The following XPC variants were observed in gnomAD, a reference collection of about 807,000 sequenced individuals.
The protein encoded by XPC is XPC complex subunit, DNA damage recognition and repair factor.
A neutral mutation model predicts 95.8 loss-of-function variants in XPC; 76 were observed. The ratio of observed to expected loss-of-function variants is 0.79; its 90% confidence interval spans 0.66 to 0.96. XPC has a LOEUF of 0.96. XPC is among the 40% of genes least tolerant of loss of function. XPC has a pLI of 0.00. For missense variants in XPC, 1,146 were observed against 1,179.8 expected, an observed-to-expected ratio of 0.97 and a Z score of 0.42; for synonymous variants, 442 against 442.1, an observed-to-expected ratio of 1.00 and a Z score of 0.00.
At chr3:14,152,476 G>A (rs1191781715) in intron 10 of XPC, 60 bp from the exon 11 acceptor site, 44 of 1,514,900 alleles carry the variant, frequency 2.9e-5, no homozygotes, top group East Asian at 9.7e-5. Flanking sequence ...GCGGGAATGC[G>A]GGACAGTGGA....
intron 7 of XPC, 159 bp from the exon 8 acceptor site, chr3:14,159,989 C>T (rs753271987): frequency 2.0e-5 from 12 of 598,496 alleles, no homozygotes; most frequent in African/African-American, 3.8e-5. Context: ...CTGTTAAAAA[C>T]GATGATGCAG....
rs199527751 is a variant in XPC, at chr3:14,146,042, G to A, written c.2722C>T (p.Arg908Ter). Residue 908 changes from arginine (R) to a stop codon, truncating the protein, a stop_gained, in exon 16 of 16, where the codon CGA becomes TGA. Transcript: ENST00000285021. LOFTEE classifies it low-confidence loss of function (END_TRUNC). ...AGCTTCTGCTTTTCTTCATCTTCTC[G>A]GTTTTGAGGCCAGGAGGCAGCCAGT... is the stretch of plus-strand genomic sequence containing the variant. ...RILAASWPQN[R>*]EDEEKQKLKG... The A allele has an allele frequency of 4.5e-5, 73 of 1,612,558 alleles. No homozygotes were observed. The Admixed American group carries it at 6.2e-4, about 14-fold the overall frequency.
At chr3:14,176,380 CCAGT>C (rs1373261517) in intron 1 of XPC, among the ~76,000 whole-genome samples, 1 of 152,226 alleles carries the variant, frequency 6.6e-6, no homozygotes, top group South Asian at 2.1e-4. Context: ...CCCGATCACG[CCAGT>C]CAAACTTGAT....
chr3:14,173,143 G>C (rs767108337), intron 1 of XPC, 81 bp from the exon 2 acceptor site: 1 of 1,367,546 alleles, frequency 7.3e-7, no homozygotes, highest in East Asian at 2.6e-5. Context: ...GGCATAAAAC[G>C]GCTCTATGAC....
At chr3:14,174,550 G>A (rs559484440) in intron 1 of XPC, among the ~76,000 whole-genome samples, 3 of 152,150 alleles carry the variant, frequency 2.0e-5, no homozygotes, top group African/African-American at 7.2e-5. Context: ...AAAGGGAAAG[G>A]GGGATAAAGG....
At position 14,146,037 on chromosome 3, in the gene XPC, T is replaced by A. The variant is rs1695416521; in HGVS notation, c.2727A>T (p.Glu909Asp). ...CCTTCAGCTTCTGCTTTTCTTCATC[T>A]TCTCGGTTTTGAGGCCAGGAGGCAG... ...ILAASWPQNR[E>D]DEEKQKLKGG... The change falls in exon 16 of 16, where the codon GAA becomes GAT. Residue 909 changes from glutamate (E) to aspartate (D), a missense_variant. Transcript: ENST00000285021. The A allele has an allele frequency of 2.5e-6, 4 of 1,612,748 alleles. No homozygotes were observed. Among genetic ancestry groups the A allele is most frequent in the Admixed American group, 1.7e-5 (1 of 59,972 alleles).
chr3:14,172,549 A>G (rs963238186), intron 2 of XPC, among the ~76,000 whole-genome samples: 4 of 152,194 alleles, frequency 2.6e-5, no homozygotes, highest in African/African-American at 9.7e-5. Context: ...ATAAAGCTGG[A>G]ATGGCAGGTA....
chr3:14,148,638 C>T lies in XPC; in HGVS notation c.2344G>A (p.Val782Met), dbSNP rs370753746. The part of the protein sequence containing the change: ...VQLNLPNLHR[V>M]ARKLDIDCVQ... Reference sequence around the variant, plus strand: ...CAGTCGATGTCCAGCTTGCGGGCCACGCGGTGTAGATTGGGCAGGTTCAGC... The same window carrying T: ...CAGTCGATGTCCAGCTTGCGGGCCATGCGGTGTAGATTGGGCAGGTTCAGC... The change falls in exon 13 of 16, where the codon GTG (valine) becomes ATG (methionine). Residue 782 changes from valine to methionine, a missense_variant. Val to Met is a conservative substitution (Grantham distance 21). Coordinates refer to ENST00000285021, the MANE Select transcript of XPC (RefSeq NM_004628.5). 8.1e-6 allele frequency: 13 copies of T among 1,613,918 alleles called. No individual in the cohort carries two copies. The highest frequency in any genetic ancestry group is 2.7e-5 in the African/African-American group (2 of 74,934).
At chr3:14,146,491 G>A (rs972172712) in intron 15 of XPC, among the ~76,000 whole-genome samples, 2 of 152,150 alleles carry the variant, frequency 1.3e-5, no homozygotes, top group Admixed American at 1.3e-4. Flanking sequence ...CCTCATTTCT[G>A]GACCAAAGCA....
At chr3:14,159,271 C>T (rs950741545) in intron 8 of XPC, among the ~76,000 whole-genome samples, 2 of 152,314 alleles carry the variant, frequency 1.3e-5, no homozygotes, top group Admixed American at 1.3e-4. Flanking sequence ...TGGACATACG[C>T]ATTTTGCAAA....
chr3:14,161,583 T>C (rs939502986), intron 7 of XPC, among the ~76,000 whole-genome samples: 2 of 145,988 alleles, frequency 1.4e-5, no homozygotes, highest in Non-Finnish European at 3.0e-5. Flanking sequence ...TCATTTCAAC[T>C]GACAAAGAAA....
intron 11 of XPC, 66 bp downstream of exon 11, chr3:14,152,269 C>A: frequency 6.9e-7 from 1 of 1,441,788 alleles, no homozygotes; most frequent in Non-Finnish European, 9.6e-7. Flanking sequence ...TCTCTGCCCC[C>A]AGCTCTCCCG....
intron 15 of XPC, among the ~76,000 whole-genome samples, chr3:14,146,885 A>G (rs1177546748): frequency 1.3e-5 from 2 of 152,188 alleles, no homozygotes; most frequent in African/African-American, 2.4e-5. Context: ...GGCCTGGCAC[A>G]TGGCAGGTGC....
rs1402162002 is a variant in XPC at position 14,168,346 on chromosome 3, TTC to T, written c.445_446del (p.Glu149LysfsTer19). On this transcript the variant is annotated frameshift_variant, in exon 4 of 16. Transcript: ENST00000285021. LOFTEE classifies it high-confidence loss of function. The stretch of plus-strand genomic sequence containing the variant: ...GAAGAGATCGAGAGAAGGCTGTACT[TTC>T]TCTCACGTCACCCAGCACAGGCTCA... ...LSEPVLGDVR[E>X]STAFSRSLLP... is the part of the protein sequence containing the mutation. 2.6e-5 allele frequency: 42 copies of T among 1,613,818 alleles called. No individual in the cohort carries two copies. Among genetic ancestry groups the T allele is most frequent in the Non-Finnish European group, 3.5e-5 (41 of 1,179,882 alleles).
chr3:14,158,932 C>A lies in XPC; in HGVS notation c.991-40G>T, dbSNP rs1019689561. ...GAAATTTTGCTTTTTTTTCTCCCCC[C>A]TCTTTTGCTAATGATATGATAGAAA... On this transcript the variant is annotated intron_variant, in intron 8 of 15. Transcript: ENST00000285021. This position sits in a 1 kb window ranked among gnomAD's most constrained non-coding sequence, Gnocchi z 5.2. 2.5e-6 allele frequency: 4 copies of A among 1,610,604 alleles called. No homozygotes were observed. Among genetic ancestry groups the A allele is most frequent in the East Asian group, 2.2e-5 (1 of 44,874 alleles).
rs1481930741 is a variant in XPC at position 14,145,278 on chromosome 3, C to T, written c.*663G>A. 1 of 695,288 alleles carries T rather than the reference C, an allele frequency of 1.4e-6. No homozygotes were observed. The highest frequency in any genetic ancestry group is 2.7e-5 in the East Asian group (1 of 37,244). The allele number at this position is 695,288 out of a possible 1,614,324, so 43.1% of individuals were successfully genotyped here. Reference sequence around the variant, plus strand: ...CACTCATCTATTTTACTAACATTTCCTTAATTTTCAATTCGTATTTTTCCT... The same window carrying T: ...CACTCATCTATTTTACTAACATTTCTTTAATTTTCAATTCGTATTTTTCCT... On this transcript the variant is annotated 3_prime_UTR_variant, in exon 16 of 16. Transcript: ENST00000285021.
chr3:14,165,746 G>T, intron 5 of XPC, 161 bp from the exon 6 acceptor site: 1 of 762,342 alleles, frequency 1.3e-6, no homozygotes, highest in Non-Finnish European at 2.1e-6. Context: ...TCCCAAGCTT[G>T]TCTTTGACCC....
chr3:14,152,491 G>A (rs1189903498), intron 10 of XPC, 75 bp from the exon 11 acceptor site: 19 of 1,387,760 alleles, frequency 1.4e-5, no homozygotes, highest in Middle Eastern at 1.8e-4. Context: ...AGTGGAGAGC[G>A]CAGCCCTGCA....
Position 14,145,860 on chromosome 3 carries a change from G to A in XPC, c.*81C>T. 2.0e-6 allele frequency: 3 copies of A among 1,517,574 alleles called. No homozygotes were observed. Among genetic ancestry groups the A allele is most frequent in the Non-Finnish European group, 2.7e-6 (3 of 1,111,328 alleles). The allele number at this position is 1,517,574 out of a possible 1,614,324, so 94.0% of individuals were successfully genotyped here. A position where few individuals can be genotyped will look rare whatever the true frequency, so the allele number is the denominator to read the frequency against. On this transcript the variant is annotated 3_prime_UTR_variant, in exon 16 of 16. Transcript: ENST00000285021. The stretch of plus-strand genomic sequence containing the variant: ...CAGCAGAGAAGCCCCCACCACCAGG[G>A]GCTGGGCATGCCCAGGGCAGGTGTG...
Sources: gnomAD v4.1 joint callset for allele counts (sites outside exome capture counted in the v4.1 genomes callset) on GRCh38, gnomAD v4.1.1 for gene constraint, Gnocchi (gnomAD v3.1) non-coding constraint, MANE v1.5 for transcripts, NCBI Gene and HGNC (gene_info 2026-07-23, HGNC 2026-07-21) for gene names.